The following TNKS2 variants were observed in gnomAD, a reference collection of about 807,000 sequenced individuals.
The protein encoded by TNKS2 is poly [ADP-ribose] polymerase tankyrase-2.
Under a neutral mutation model 137.6 loss-of-function variants are expected in TNKS2, and 72 were observed. The ratio of observed to expected loss-of-function variants is 0.52; its 90% confidence interval spans 0.43 to 0.64. The LOEUF (loss-of-function observed/expected upper bound fraction) is 0.64, where lower values mean the gene tolerates loss of function less well. TNKS2 is among the 30% of genes least tolerant of loss of function. The pLI is 0.00. For missense variants in TNKS2, 1,049 were observed against 1,410.2 expected (o/e 0.74, Z 4.10); for synonymous variants, 516 against 512.1 (o/e 1.01, Z -0.10).
At chr10:91,836,516 TC>T (rs918209115) in intron 12 of TNKS2, 78 of 479,702 alleles carry the variant, frequency 1.6e-4, no homozygotes, top group African/African-American at 1.4e-3. Flanking sequence ...ACCAGGAAGT[TC>T]CAGTGACTTG....
intron 26 of TNKS2, 91 bp downstream of exon 26, chr10:91,862,246 C>T: frequency 9.5e-7 from 1 of 1,051,854 alleles, no homozygotes; most frequent in Non-Finnish European, 1.3e-6. Context: ...GACATATTGC[C>T]TTAACTGGAT....
intron 1 of TNKS2, among the ~76,000 whole-genome samples, chr10:91,800,633 C>G (rs1031545512): frequency 1.3e-5 from 2 of 152,108 alleles, no homozygotes; most frequent in African/African-American, 2.4e-5. Flanking sequence ...ACCCACCCCT[C>G]ACAACTTACC....
intron 1 of TNKS2, among the ~76,000 whole-genome samples, chr10:91,806,058 T>C (rs1345470192): frequency 6.6e-6 from 1 of 150,896 alleles, no homozygotes; most frequent in African/African-American, 2.4e-5. Context: ...TTTTTTTTTT[T>C]TTTTATATTT....
chr10:91,816,686 C>CTTTTTTTTT (rs34591746), intron 2 of TNKS2, among the ~76,000 whole-genome samples: 1 of 147,722 alleles, frequency 6.8e-6, no homozygotes, highest in Non-Finnish European at 1.5e-5. Flanking sequence ...GTGTGATTTT[C>CTTTTTTTTT]TTTTTTTTTT....
Position 91,798,823 on chromosome 10 carries a change from A to T in TNKS2, c.133A>T (p.Thr45Ser). 7.4e-7 allele frequency: 1 copy of T among 1,343,804 alleles called. No individual in the cohort carries two copies. 83.2% of individuals were successfully genotyped at this position (1,343,804 alleles called of 1,614,324 possible). A position where few individuals can be genotyped will look rare whatever the true frequency, so the allele number is the denominator to read the frequency against. Residue 45 changes from threonine to serine, a missense_variant, in exon 1 of 27, where the codon ACG becomes TCG. By Grantham distance (58) the Thr-to-Ser change is moderately conservative. Around this residue, in one of 6 missense-constraint regions of TNKS2, gnomAD observed 374 missense variants for 460.8 expected, o/e 0.81. Transcript: ENST00000371627. ...CGTGGAACGAGTCAAGAGGCTGGTGACGCCTGAGAAGGTGAACAGCCGCGA... is the reference window on the plus strand; with the variant it reads ...CGTGGAACGAGTCAAGAGGCTGGTGTCGCCTGAGAAGGTGAACAGCCGCGA... ...GDVERVKRLV[T>S]PEKVNSRDTA... is the part of the protein sequence containing the mutation.
intron 7 of TNKS2, among the ~76,000 whole-genome samples, chr10:91,823,648 C>T (rs1844978332): frequency 6.6e-6 from 1 of 151,990 alleles, no homozygotes; most frequent in East Asian, 1.9e-4. Flanking sequence ...CATTTTGATC[C>T]CTTTTAGATG....
chr10:91,846,138 TATCA>T (rs1437292224), intron 18 of TNKS2, among the ~76,000 whole-genome samples, 198 bp downstream of exon 18: 1 of 152,202 alleles, frequency 6.6e-6, no homozygotes, highest in Non-Finnish European at 1.5e-5. Flanking sequence ...AGAATAGAAT[TATCA>T]ATCAGTTATT....
At position 91,848,404 on chromosome 10, in the gene TNKS2, C is replaced by G; in HGVS notation, c.2380C>G (p.Leu794Val). 6.2e-7 allele frequency: 1 copy of G among 1,614,176 alleles called. No individual in the cohort carries two copies. Among genetic ancestry groups the G allele is most frequent in the Non-Finnish European group, 8.5e-7 (1 of 1,180,024 alleles). The change falls in exon 19 of 27, where the codon CTG becomes GTG. Residue 794 changes from leucine (L) to valine (V), a missense_variant. Coordinates refer to ENST00000371627, the MANE Select transcript of TNKS2 (RefSeq NM_025235.4). Reference sequence around the variant, plus strand: ...CTAGGCGGATGATGTCAGCGCTCTTCTGACAGCAGCCATGCCCCCATCTGC... The same window carrying G: ...CTAGGCGGATGATGTCAGCGCTCTTGTGACAGCAGCCATGCCCCCATCTGC... ...LVSADDVSAL[L>V]TAAMPPSALP...
chr10:91,854,936 GTA>G (rs1451914047), intron 21 of TNKS2, 91 bp from the exon 22 acceptor site: 5 of 592,092 alleles, frequency 8.4e-6, no homozygotes, highest in Non-Finnish European at 1.4e-5. Context: ...AAAATTGGTA[GTA>G]AGAATCAGAA....
intron 1 of TNKS2, chr10:91,812,672 A>C: frequency 1.1e-5 from 7 of 609,386 alleles, no homozygotes; most frequent in Non-Finnish European, 1.4e-5. Context: ...GCAGAACTCT[A>C]TTGTAGAGTG....
intron 17 of TNKS2, among the ~76,000 whole-genome samples, chr10:91,845,440 G>A (rs926254382): frequency 6.6e-6 from 1 of 152,186 alleles, no homozygotes; most frequent in Non-Finnish European, 1.5e-5. Flanking sequence ...GAGGAAGATT[G>A]CTGCTTTATA....
At chr10:91,810,683 T>C (rs921875532) in intron 1 of TNKS2, among the ~76,000 whole-genome samples, 1 of 150,170 alleles carries the variant, frequency 6.7e-6, no homozygotes, top group African/African-American at 2.5e-5. Flanking sequence ...TTTTTTTTTG[T>C]ATTTTTAGTA....
intron 26 of TNKS2, 124 bp from the exon 27 acceptor site, chr10:91,862,813 G>A: frequency 1.6e-6 from 1 of 630,650 alleles, no homozygotes; most frequent in Non-Finnish European, 2.8e-6. Context: ...AATGTCCCTA[G>A]ATGATTCTGA....
At chr10:91,800,303 A>G (rs942493910) in intron 1 of TNKS2, among the ~76,000 whole-genome samples, 2 of 152,246 alleles carry the variant, frequency 1.3e-5, no homozygotes, top group Admixed American at 1.3e-4. Context: ...TCAACATTTA[A>G]ACAACTCATT....
Position 91,798,542 on chromosome 10 carries a change from G to A in TNKS2, c.-149G>A. 1.0e-6 allele frequency: 1 copy of A among 953,394 alleles called. No homozygotes were observed. Among genetic ancestry groups the A allele is most frequent in the Non-Finnish European group, 1.3e-6 (1 of 746,446 alleles). The allele number at this position is 953,394 out of a possible 1,614,324, so 59.1% of individuals were successfully genotyped here. On this transcript the variant is annotated 5_prime_UTR_variant, in exon 1 of 27. Transcript: ENST00000371627. ...AGGGGCGCGCGTGGGCGCGGCCATG[G>A]GACTGCGCCGGATCCGGTGACAGCA...
chr10:91,848,239 C>A, intron 18 of TNKS2, 144 bp from the exon 19 acceptor site: 2 of 944,104 alleles, frequency 2.1e-6, no homozygotes, highest in Non-Finnish European at 3.0e-6. Flanking sequence ...CTGTTTGCTT[C>A]ACTTTTTAAA....
intron 7 of TNKS2, 52 bp downstream of exon 7, chr10:91,822,414 T>TC: frequency 3.6e-6 from 5 of 1,375,918 alleles, no homozygotes; most frequent in Non-Finnish European, 4.1e-6. Context: ...ATAAAATAAC[T>TC]TGAAATACAT....
At chr10:91,840,518 A>G (rs773331714) in intron 13 of TNKS2, 43 bp from the exon 14 acceptor site, 3 of 1,546,644 alleles carry the variant, frequency 1.9e-6, no homozygotes, top group Non-Finnish European at 2.6e-6. Flanking sequence ...AGAAATAACA[A>G]TATGTAGATG....
intron 7 of TNKS2, among the ~76,000 whole-genome samples, chr10:91,823,320 G>GT (rs3043666): frequency 0.017 from 1,945 of 113,456 alleles, 6 homozygotes; most frequent in Non-Finnish European, 0.024. Flanking sequence ...TGGTTTTTTG[G>GT]TTTTTTTTTT....
Sources: allele counts gnomAD v4.1 joint callset (sites outside exome capture counted in the v4.1 genomes callset), GRCh38; gene constraint gnomAD v4.1.1; regional missense constraint gnomAD v4.1.1; transcripts MANE v1.5; gene names NCBI Gene and HGNC (gene_info 2026-07-23, HGNC 2026-07-21).